The following SEMA6A variants were observed in gnomAD, a reference collection of about 807,000 sequenced individuals.
The protein encoded by SEMA6A is semaphorin 6A, also known as semaphorin-6A.
A neutral mutation model predicts 96.8 loss-of-function variants in SEMA6A; 25 were observed. That is an observed-to-expected ratio of 0.26 (90% CI 0.19 to 0.36). SEMA6A has a LOEUF of 0.36. Ranked by LOEUF, SEMA6A falls within the 10% of genes least tolerant of loss-of-function variation. The pLI is 1.00. For synonymous variants in SEMA6A, 612 were observed against 518.0 expected, an observed-to-expected ratio of 1.18 and a Z score of -2.46; for missense variants, 1,363 against 1,323.1, an observed-to-expected ratio of 1.03 and a Z score of -0.47.
chr5:116,510,757 A>G (rs1257069049), intron 1 of SEMA6A, among the ~76,000 whole-genome samples: 1 of 151,894 alleles, frequency 6.6e-6, no homozygotes, highest in African/African-American at 2.4e-5. Context: ...TTATCTCTGG[A>G]GGTGGTCACT....
chr5:116,461,416 A>G (rs1280428700), intron 18 of SEMA6A, among the ~76,000 whole-genome samples: 1 of 152,136 alleles, frequency 6.6e-6, no homozygotes, highest in Non-Finnish European at 1.5e-5. Context: ...CGACTGCAAT[A>G]GGATCATTTT....
At chr5:116,540,328 A>G (rs575436358) in intron 1 of SEMA6A, among the ~76,000 whole-genome samples, 1 of 152,250 alleles carries the variant, frequency 6.6e-6, no homozygotes, top group Non-Finnish European at 1.5e-5. Context: ...AGGCTCTGCC[A>G]TCAGTACAAA....
intron 2 of SEMA6A, among the ~76,000 whole-genome samples, chr5:116,503,858 C>T (rs566392722): frequency 2.6e-5 from 4 of 152,238 alleles, no homozygotes; most frequent in Admixed American, 2.6e-4. Flanking sequence ...AGAAAACTTA[C>T]CTCAAATGGA....
At chr5:116,541,542 G>GTT (rs2112863759) in intron 1 of SEMA6A, among the ~76,000 whole-genome samples, 1 of 152,254 alleles carries the variant, frequency 6.6e-6, no homozygotes, top group East Asian at 1.9e-4. Flanking sequence ...CTAATTAATA[G>GTT]TTAGAGCAGG....
At chr5:116,518,296 A>C (rs1758760301) in intron 1 of SEMA6A, among the ~76,000 whole-genome samples, 1 of 152,196 alleles carries the variant, frequency 6.6e-6, no homozygotes, top group African/African-American at 2.4e-5. Flanking sequence ...AATCAATTTT[A>C]AGTCTGAAAT....
intron 1 of SEMA6A, among the ~76,000 whole-genome samples, chr5:116,535,697 A>G (rs1336202496): frequency 2.0e-5 from 3 of 152,184 alleles, no homozygotes; most frequent in African/African-American, 7.2e-5. Flanking sequence ...ACTTTCAACA[A>G]ATGTCCAGCT....
intron 1 of SEMA6A, among the ~76,000 whole-genome samples, chr5:116,552,266 T>TGCTAA (rs1367114405): frequency 2.0e-5 from 3 of 152,034 alleles, no homozygotes; most frequent in African/African-American, 7.2e-5. Flanking sequence ...TTTCAGTATG[T>TGCTAA]TTTAGCGTGT....
intron 10 of SEMA6A, among the ~76,000 whole-genome samples, chr5:116,486,403 A>G (rs950807070): frequency 6.6e-6 from 1 of 152,202 alleles, no homozygotes; most frequent in African/African-American, 2.4e-5. Flanking sequence ...GTAGTATAAT[A>G]TGTCGAGCTC....
intron 1 of SEMA6A, among the ~76,000 whole-genome samples, chr5:116,561,775 T>A (rs972608037): frequency 4.6e-5 from 7 of 152,170 alleles, no homozygotes; most frequent in African/African-American, 1.7e-4. Flanking sequence ...TATTAACAGG[T>A]TTTGTGTTTT....
intron 1 of SEMA6A, among the ~76,000 whole-genome samples, chr5:116,520,158 CT>C (rs562530886): frequency 6.6e-6 from 1 of 152,008 alleles, no homozygotes; most frequent in Non-Finnish European, 1.5e-5. Context: ...GCCTCATGGA[CT>C]TTCTGCTCTC....
intron 1 of SEMA6A, among the ~76,000 whole-genome samples, chr5:116,561,174 C>T (rs770453973): frequency 1.3e-5 from 2 of 152,092 alleles, no homozygotes; most frequent in Non-Finnish European, 2.9e-5. Flanking sequence ...TCCTGCCTAA[C>T]CTAGAGGGTT....
In SEMA6A at chr5:116,478,008, A is replaced by G. The variant is rs753685631; in HGVS notation, c.1568+6T>C. 4 of 1,613,934 alleles carry G rather than the reference A, an allele frequency of 2.5e-6. No individual in the cohort carries two copies. The highest frequency in any genetic ancestry group is 3.4e-6 in the Non-Finnish European group (4 of 1,179,850). ...TTTCTAATTGTCAATGAGGCAAAAT[A>G]CATACTTTTTACACTTCCCATGTCG... On this transcript the variant is annotated splice_donor_region_variant and intron_variant, in intron 14 of 18. Coordinates refer to ENST00000343348, the MANE Select transcript of SEMA6A (RefSeq NM_020796.5).
chr5:116,518,699 GA>G (rs903950288), intron 1 of SEMA6A, among the ~76,000 whole-genome samples: 3 of 152,162 alleles, frequency 2.0e-5, no homozygotes, highest in Non-Finnish European at 1.5e-5. Context: ...TCTTTGGGAG[GA>G]AATGGAGGCA....
At chr5:116,535,006 G>A (rs147999368) in intron 1 of SEMA6A, among the ~76,000 whole-genome samples, 1 of 152,340 alleles carries the variant, frequency 6.6e-6, no homozygotes, top group East Asian at 1.9e-4. Context: ...CATAAATCAG[G>A]CCTCTCAGCC....
intron 18 of SEMA6A, chr5:116,449,591 C>T (rs772961621): frequency 7.0e-5 from 34 of 485,566 alleles, no homozygotes; most frequent in Non-Finnish European, 1.1e-4. Flanking sequence ...GAAACCTTAG[C>T]CTGAAAAGTA....
chr5:116,468,541 G>A (rs1755913339), intron 17 of SEMA6A: 1 of 152,188 alleles, frequency 6.6e-6, no homozygotes, highest in African/African-American at 2.4e-5. Flanking sequence ...AGCTACCATA[G>A]GATAATATGA....
At chr5:116,476,008 C>G (rs1756430175) in intron 15 of SEMA6A, among the ~76,000 whole-genome samples, 1 of 151,956 alleles carries the variant, frequency 6.6e-6, no homozygotes, top group Non-Finnish European at 1.5e-5. Context: ...TCACTCCTAC[C>G]CTTGCCTTCC....
chr5:116,455,865 T>A (rs753362411), intron 18 of SEMA6A, among the ~76,000 whole-genome samples: 1 of 152,184 alleles, frequency 6.6e-6, no homozygotes, highest in Non-Finnish European at 1.5e-5. Flanking sequence ...TTTGGGTATG[T>A]CACTCGGTCT....
chr5:116,493,738 C>T (rs560645951), intron 6 of SEMA6A, among the ~76,000 whole-genome samples: 52 of 152,180 alleles, frequency 3.4e-4, no homozygotes, highest in African/African-American at 1.2e-3. Context: ...CGGATTCCAG[C>T]CTATCATTGC....
Sources: allele counts gnomAD v4.1 joint callset (sites outside exome capture counted in the v4.1 genomes callset), GRCh38; gene constraint gnomAD v4.1.1; transcripts MANE v1.5; gene names NCBI Gene and HGNC (gene_info 2026-07-23, HGNC 2026-07-21).